Variants in PTPRZ1 observed in about 807,000 individuals in gnomAD.
PTPRZ1 encodes the protein receptor-type tyrosine-protein phosphatase zeta.
In PTPRZ1, 82 loss-of-function variants were observed where a neutral mutation model predicts 214.1. That is an observed-to-expected ratio of 0.38 (90% CI 0.32 to 0.46). PTPRZ1 has a LOEUF of 0.46. Ranked by LOEUF, PTPRZ1 falls within the 20% of genes least tolerant of loss-of-function variation. The pLI, the probability that PTPRZ1 is intolerant of heterozygous loss-of-function variation, is 1.00. For synonymous variants in PTPRZ1, 945 were observed against 987.9 expected, an observed-to-expected ratio of 0.96 and a Z score of 0.81; for missense variants, 2,603 against 2,748.7, an observed-to-expected ratio of 0.95 and a Z score of 1.19.
At chr7:121,988,682 T>A (rs1012739043) in intron 8 of PTPRZ1, among the ~76,000 whole-genome samples, 2 of 152,184 alleles carry the variant, frequency 1.3e-5, no homozygotes, top group East Asian at 3.9e-4. Flanking sequence ...GATTCCTTGA[T>A]GAATGGTGAA....
rs139463913 is a variant in PTPRZ1 at position 121,992,603 on chromosome 7, A to G, written c.929-3779A>G. 4.9e-3 allele frequency among the ~76,000 whole-genome samples: 746 copies of G among 152,320 alleles called. 5 individuals are homozygous for G. The highest frequency in any genetic ancestry group is 7.2e-3 in the Non-Finnish European group (492 of 68,016). On this transcript the variant is annotated intron_variant, in intron 8 of 29. Transcript: ENST00000393386. ...TTTGGCCTAAATGGCAGAATTTTTCATAAGTTTTTTATACATTCCTCTATC... is the reference window on the plus strand; with the variant it reads ...TTTGGCCTAAATGGCAGAATTTTTCGTAAGTTTTTTATACATTCCTCTATC...
intron 18 of PTPRZ1, among the ~76,000 whole-genome samples, chr7:122,037,066 A>C (rs961349130): frequency 6.6e-6 from 1 of 151,992 alleles, no homozygotes; most frequent in African/African-American, 2.4e-5. Context: ...AGGTCAGAAG[A>C]TCGAGACCAT....
At chr7:122,052,008 C>T in intron 25 of PTPRZ1, 69 bp downstream of exon 25, 1 of 1,317,058 alleles carries the variant, frequency 7.6e-7, no homozygotes, top group Non-Finnish European at 1.0e-6. Context: ...AATGGGCTGC[C>T]AGAAGCAAAG....
chr7:122,058,648 C>T (rs1792457490), intron 27 of PTPRZ1, 152 bp from the exon 28 acceptor site: 2 of 551,000 alleles, frequency 3.6e-6, no homozygotes, highest in Non-Finnish European at 3.1e-6. Context: ...CTGTTTCTTC[C>T]TTCTATGATG....
At chr7:121,965,353 GGTTTGTTTGTTTGTTT>G (rs33965058) in intron 2 of PTPRZ1, among the ~76,000 whole-genome samples, 1 of 150,918 alleles carries the variant, frequency 6.6e-6, no homozygotes, top group African/African-American at 2.4e-5. Context: ...TTGTTGTTGT[GGTTTGTTTGTTTGTTT>G]GTTTGTTTGT....
chr7:121,893,978 C>T (rs949332376), intron 1 of PTPRZ1, among the ~76,000 whole-genome samples: 4 of 152,158 alleles, frequency 2.6e-5, no homozygotes, highest in East Asian at 1.9e-4. Context: ...TTGAACAACC[C>T]GATCGTGTGC....
At chr7:121,971,930 G>A (rs1378026790) in intron 3 of PTPRZ1, among the ~76,000 whole-genome samples, 1 of 152,134 alleles carries the variant, frequency 6.6e-6, no homozygotes, top group Non-Finnish European at 1.5e-5. Flanking sequence ...AATATCTGCT[G>A]TGGAACTCAT....
chr7:121,882,049 T>A (rs918590601), intron 1 of PTPRZ1, among the ~76,000 whole-genome samples: 3 of 152,222 alleles, frequency 2.0e-5, no homozygotes, highest in Non-Finnish European at 4.4e-5. Flanking sequence ...GGCTATTTCT[T>A]TTTACTGTAT....
Position 121,919,610 on chromosome 7 carries a change from A to G in PTPRZ1, c.59-8546A>G, listed in dbSNP as rs73717752. 5.5e-3 allele frequency among the ~76,000 whole-genome samples: 843 copies of G among 152,158 alleles called. 4 individuals are homozygous for G. The highest frequency in any genetic ancestry group is 0.019 in the African/African-American group (809 of 41,550). On this transcript the variant is annotated intron_variant, in intron 1 of 29. Coordinates refer to ENST00000393386, the MANE Select transcript of PTPRZ1 (RefSeq NM_002851.3). The stretch of plus-strand genomic sequence containing the variant: ...GTAAATAGTTTTTATGCATCTTTTT[A>G]AAAACATTCTTTATTCCACTTGTAA...
At chr7:121,897,388 A>G (rs1041288009) in intron 1 of PTPRZ1, among the ~76,000 whole-genome samples, 2 of 152,188 alleles carry the variant, frequency 1.3e-5, no homozygotes, top group Non-Finnish European at 2.9e-5. Flanking sequence ...AAAATGTAAC[A>G]TGACTTCTTC....
At chr7:121,903,763 A>G (rs1181714744) in intron 1 of PTPRZ1, among the ~76,000 whole-genome samples, 2 of 152,194 alleles carry the variant, frequency 1.3e-5, no homozygotes, top group Admixed American at 1.3e-4. Context: ...TCCTAAAGCA[A>G]GAAGAAGAGA....
In PTPRZ1 at chr7:122,012,672, T is replaced by C. The variant is rs775385162; in HGVS notation, c.3626T>C (p.Val1209Ala). Residue 1209 changes from valine to alanine, a missense_variant, in exon 12 of 30, where the codon GTT becomes GCT. Val to Ala is a moderately conservative substitution (Grantham distance 64). This residue lies in a region of PTPRZ1 where 1,913 missense variants were observed against 1,914.3 expected (regional missense o/e 1.00). Transcript: ENST00000393386. ...LPAVPSDPILVETPKVDKISS... is the reference protein window; with the variant it reads ...LPAVPSDPILAETPKVDKISS... ...GCTGTGCCCAGTGATCCAATATTGGTTGAAACCCCCAAAGTTGATAAAATT... is the reference window on the plus strand; with the variant it reads ...GCTGTGCCCAGTGATCCAATATTGGCTGAAACCCCCAAAGTTGATAAAATT... The C allele has an allele frequency of 8.1e-6, 13 of 1,612,852 alleles. No homozygotes were observed. The East Asian group carries it at 2.9e-4, about 36-fold the overall frequency.
At chr7:121,903,966 T>TCACA (rs57176542) in intron 1 of PTPRZ1, among the ~76,000 whole-genome samples, 4,259 of 123,884 alleles carry the variant, frequency 0.034, 78 homozygotes, top group Non-Finnish European at 0.049. Context: ...TCTTTAAATC[T>TCACA]CACACACACA....
At chr7:121,943,408 T>C (rs962811366) in intron 2 of PTPRZ1, among the ~76,000 whole-genome samples, 3 of 152,150 alleles carry the variant, frequency 2.0e-5, no homozygotes, top group Non-Finnish European at 4.4e-5. Context: ...CGATCTCGGC[T>C]CACTGCAAGC....
rs991412694 is a variant in PTPRZ1, at chr7:121,882,293, G to A, written c.58+8736G>A. On this transcript the variant is annotated intron_variant, in intron 1 of 29. Transcript: ENST00000393386. ...ACGTAAGTAGGTCTCATACATGATG[G>A]AGTTTCTGGCATATGAGACTGTGAG... 4.6e-5 allele frequency among the ~76,000 whole-genome samples: 7 copies of A among 152,166 alleles called. 1 individual carries two copies. The highest frequency in any genetic ancestry group is 1.7e-4 in the African/African-American group (7 of 41,434).
intron 1 of PTPRZ1, among the ~76,000 whole-genome samples, chr7:121,907,324 G>A (rs1309819988): frequency 6.6e-6 from 1 of 151,930 alleles, no homozygotes; most frequent in Non-Finnish European, 1.5e-5. Flanking sequence ...ACTTACTTAT[G>A]TTCAAAATGA....
chr7:121,925,438 T>C (rs967994256), intron 1 of PTPRZ1, among the ~76,000 whole-genome samples: 3 of 152,332 alleles, frequency 2.0e-5, no homozygotes, highest in South Asian at 2.1e-4. Flanking sequence ...TTGTTCATAA[T>C]AGCCAAAAAT....
At chr7:121,996,717 A>G (rs1584724783) in intron 9 of PTPRZ1, 151 bp downstream of exon 9, 3 of 517,982 alleles carry the variant, frequency 5.8e-6, no homozygotes, top group East Asian at 6.6e-5. Flanking sequence ...ATTTAAAAAA[A>G]AATTTTAAAT....
intron 2 of PTPRZ1, among the ~76,000 whole-genome samples, chr7:121,961,545 C>G: frequency 6.6e-6 from 1 of 152,206 alleles, no homozygotes; most frequent in South Asian, 2.1e-4. Flanking sequence ...AGACCCCCAC[C>G]CTTCTGGAAT....
Sources: gnomAD v4.1 joint callset for allele counts (sites outside exome capture counted in the v4.1 genomes callset) on GRCh38, gnomAD v4.1.1 for gene constraint, gnomAD v4.1.1 regional missense constraint, MANE v1.5 for transcripts, NCBI Gene and HGNC (gene_info 2026-07-23, HGNC 2026-07-21) for gene names.